Variants in ITIH5 observed in about 807,000 individuals in gnomAD.
ITIH5 encodes the protein inter-alpha-trypsin inhibitor heavy chain H5.
Under a neutral mutation model 77.5 loss-of-function variants are expected in ITIH5, and 65 were observed. That is an observed-to-expected ratio of 0.84 (90% CI 0.69 to 1.03). The LOEUF (loss-of-function observed/expected upper bound fraction) is 1.03. Ranked by LOEUF, ITIH5 falls within the 50% of genes least tolerant of loss-of-function variation. The pLI, the probability that ITIH5 is intolerant of heterozygous loss-of-function variation, is 0.00. For missense variants in ITIH5, 1,208 were observed against 1,213.1 expected (o/e 1.00, Z 0.06); for synonymous variants, 525 against 494.3 (o/e 1.06, Z -0.82).
At chr10:7,634,688 T>C (rs908022871) in intron 5 of ITIH5, among the ~76,000 whole-genome samples, 1 of 151,594 alleles carries the variant, frequency 6.6e-6, no homozygotes, top group Non-Finnish European at 1.5e-5. Flanking sequence ...CTCTGAAGAG[T>C]CATTATGATT....
At chr10:7,644,320 T>G (rs753937374) in intron 2 of ITIH5, among the ~76,000 whole-genome samples, 4 of 148,292 alleles carry the variant, frequency 2.7e-5, no homozygotes, top group Non-Finnish European at 3.0e-5. Context: ...ATATATATCA[T>G]ACATATCACA....
At position 7,595,991 on chromosome 10, in the gene ITIH5, G is replaced by C. The variant is rs539302667; in HGVS notation, c.940-9922C>G. Among the ~76,000 whole-genome samples the C allele has an allele frequency of 2.6e-5, 4 of 152,334 alleles. No individual in the cohort carries two copies. The South Asian group carries it at 6.2e-4, about 24-fold the overall frequency. The stretch of plus-strand genomic sequence containing the variant: ...CCACTGCATTCCAGCCTGGGCAACA[G>C]AGCGAGACTCCGTCTAAATTAATAA... On this transcript the variant is annotated intron_variant, in intron 7 of 13. Coordinates refer to ENST00000397146, the MANE Select transcript of ITIH5 (RefSeq NM_030569.7).
At chr10:7,652,153 T>C (rs1009617023) in intron 2 of ITIH5, among the ~76,000 whole-genome samples, 2 of 152,166 alleles carry the variant, frequency 1.3e-5, no homozygotes, top group Admixed American at 6.5e-5. Flanking sequence ...AAATATTTTG[T>C]GTGTATGTAT....
chr10:7,665,843 C>G (rs916457654), intron 1 of ITIH5, among the ~76,000 whole-genome samples: 5 of 152,108 alleles, frequency 3.3e-5, no homozygotes, highest in African/African-American at 4.8e-5. Flanking sequence ...GCTACTCCCC[C>G]CCTAGAAGGA....
chr10:7,572,658 G>A, intron 11 of ITIH5: 1 of 310,212 alleles, frequency 3.2e-6, no homozygotes, highest in Non-Finnish European at 6.0e-6. Context: ...TGGTGTTTAT[G>A]GGATGGTTTC....
At position 7,666,822 on chromosome 10, in the gene ITIH5, C is replaced by G; in HGVS notation, c.71G>C (p.Trp24Ser). The G allele has an allele frequency of 6.2e-7, 1 of 1,608,978 alleles. No individual in the cohort carries two copies. The highest frequency in any genetic ancestry group is 8.5e-7 in the Non-Finnish European group (1 of 1,178,238). Residue 24 changes from tryptophan to serine, a missense_variant, in exon 1 of 14, where the codon TGG (tryptophan) becomes TCG (serine). Physicochemically the swap from Trp to Ser is radical, Grantham distance 177. Coordinates refer to ENST00000397146, the MANE Select transcript of ITIH5 (RefSeq NM_030569.7). ...ACTTACCTGCTCCGAAGAGTGGCCC[C>G]AGCTCTGCGCCTCTTCCTGCGACCC... ...CVGSQEEAQS[W>S]GHSSEQDGLR...
At chr10:7,653,874 G>A (rs1834139202) in intron 2 of ITIH5, among the ~76,000 whole-genome samples, 1 of 152,176 alleles carries the variant, frequency 6.6e-6, no homozygotes. Context: ...GTAATTGAGG[G>A]CCAGATGCAG....
chr10:7,604,197 C>A (rs966669012), intron 7 of ITIH5, among the ~76,000 whole-genome samples: 2 of 152,170 alleles, frequency 1.3e-5, no homozygotes, highest in African/African-American at 4.8e-5. Context: ...GAAGTCTTCC[C>A]TTGCCCCCCA....
chr10:7,582,451 C>A (rs1277424226), intron 8 of ITIH5, among the ~76,000 whole-genome samples: 1 of 41,796 alleles, frequency 2.4e-5, no homozygotes, highest in Non-Finnish European at 7.3e-5. Context: ...ACACCTATTT[C>A]CTTTGTTTTT....
chr10:7,660,564 G>A (rs1233146519), intron 1 of ITIH5, among the ~76,000 whole-genome samples: 1 of 152,132 alleles, frequency 6.6e-6, no homozygotes, highest in Admixed American at 6.5e-5. Context: ...TTATCAATTA[G>A]TGCAACTATA....
intron 11 of ITIH5, among the ~76,000 whole-genome samples, chr10:7,570,902 G>A (rs547908843): frequency 1.1e-4 from 16 of 152,140 alleles, no homozygotes; most frequent in Non-Finnish European, 1.8e-4. Context: ...GATTTCAGGC[G>A]TGAGCCACCA....
intron 8 of ITIH5, 42 bp from the exon 9 acceptor site, chr10:7,580,106 A>T: frequency 6.7e-7 from 1 of 1,494,570 alleles, no homozygotes; most frequent in Non-Finnish European, 9.0e-7. Flanking sequence ...CTCTGCACTC[A>T]CCTCCGCACT....
intron 4 of ITIH5, among the ~76,000 whole-genome samples, chr10:7,640,491 AG>A (rs1345054737): frequency 2.6e-5 from 4 of 151,228 alleles, no homozygotes; most frequent in African/African-American, 7.3e-5. Context: ...AAAAAAAAAA[AG>A]GAAAACTGCA....
chr10:7,614,625 C>T (rs1833327831), intron 7 of ITIH5, among the ~76,000 whole-genome samples: 1 of 152,132 alleles, frequency 6.6e-6, no homozygotes, highest in South Asian at 2.1e-4. Flanking sequence ...ACCCTAGTCT[C>T]ACTTCATATT....
intron 7 of ITIH5, among the ~76,000 whole-genome samples, chr10:7,603,739 C>G (rs11255231): frequency 0.22 from 34,030 of 152,008 alleles, 4,077 homozygotes; most frequent in African/African-American, 0.29. Flanking sequence ...CCCACCACCA[C>G]GCCCAGCTAA....
chr10:7,595,363 T>A (rs1421287795), intron 7 of ITIH5, among the ~76,000 whole-genome samples: 2 of 152,116 alleles, frequency 1.3e-5, no homozygotes, highest in African/African-American at 4.8e-5. Flanking sequence ...ACTATTCGGG[T>A]AGCGAAGACA....
At chr10:7,588,964 G>A (rs961483112) in intron 7 of ITIH5, among the ~76,000 whole-genome samples, 2 of 152,234 alleles carry the variant, frequency 1.3e-5, no homozygotes, top group African/African-American at 2.4e-5. Context: ...GGGACAGCAC[G>A]TGCACCAACG....
intron 7 of ITIH5, among the ~76,000 whole-genome samples, chr10:7,591,627 CCT>C (rs959081938): frequency 6.6e-6 from 1 of 152,130 alleles, no homozygotes; most frequent in Non-Finnish European, 1.5e-5. Flanking sequence ...CCTTCCTCTT[CCT>C]CTCAGTCTTT....
At chr10:7,654,231 G>A (rs563379518) in intron 2 of ITIH5, among the ~76,000 whole-genome samples, 76 of 152,314 alleles carry the variant, frequency 5.0e-4, no homozygotes, top group African/African-American at 1.8e-3. Context: ...ATATGCAAAT[G>A]TGCCTCGGGT....
Sources: allele counts gnomAD v4.1 joint callset (sites outside exome capture counted in the v4.1 genomes callset), GRCh38; gene constraint gnomAD v4.1.1; transcripts MANE v1.5; gene names NCBI Gene and HGNC (gene_info 2026-07-23, HGNC 2026-07-21).